The following ANO1 variants were observed in gnomAD, a reference collection of about 807,000 sequenced individuals.
ANO1 encodes the protein anoctamin 1.
Under a neutral mutation model 124.0 loss-of-function variants are expected in ANO1, and 59 were observed. The ratio of observed to expected loss-of-function variants is 0.48; its 90% CI spans 0.39 to 0.59. The LOEUF (loss-of-function observed/expected upper bound fraction) is 0.59. Among genes scored for constraint, ANO1 ranks in the 20% least tolerant of loss-of-function variants. The pLI is 0.00. For synonymous variants in ANO1, 529 were observed against 532.0 expected, an observed-to-expected ratio of 0.99 and a Z score of 0.08; for missense variants, 1,059 against 1,328.0, an observed-to-expected ratio of 0.80 and a Z score of 3.15.
intron 8 of ANO1, among the ~76,000 whole-genome samples, chr11:70,121,829 A>G (rs1360533352): frequency 3.9e-5 from 1 of 25,966 alleles, no homozygotes; most frequent in African/African-American, 1.8e-4. Context: ...CATCTCCCCC[A>G]CCTCTCTGTC....
intron 8 of ANO1, among the ~76,000 whole-genome samples, chr11:70,118,187 A>C (rs2046069349): frequency 2.1e-5 from 3 of 143,228 alleles, no homozygotes; most frequent in Admixed American, 1.4e-4. Flanking sequence ...CCTGAACCCT[A>C]CCCCCTCTTC....
intron 1 of ANO1, among the ~76,000 whole-genome samples, chr11:70,036,000 T>G (rs1434848108): frequency 6.6e-6 from 1 of 152,222 alleles, no homozygotes; most frequent in East Asian, 1.9e-4. Context: ...TGCACGTGTC[T>G]TTATAGCAGA....
intron 1 of ANO1, among the ~76,000 whole-genome samples, chr11:69,997,080 G>T (rs932177234): frequency 1.3e-4 from 17 of 126,280 alleles, no homozygotes; most frequent in African/African-American, 4.5e-4. Flanking sequence ...TGGGTGGTGG[G>T]TGGAACAACT....
At chr11:70,111,853 G>GTGGTCA in intron 7 of ANO1, 91 bp downstream of exon 7, 1 of 1,309,848 alleles carries the variant, frequency 7.6e-7, no homozygotes. Flanking sequence ...CAATTATCCT[G>GTGGTCA]TGGTCACAGC....
chr11:70,014,690 A>G (rs902876), intron 1 of ANO1, among the ~76,000 whole-genome samples: 118,652 of 151,958 alleles, frequency 0.78, 46,679 homozygotes, highest in East Asian at 1. Context: ...TTGTGGGTTC[A>G]TACAGTTTCG....
At chr11:70,093,866 C>A (rs1339478821) in intron 2 of ANO1, among the ~76,000 whole-genome samples, 1 of 152,238 alleles carries the variant, frequency 6.6e-6, no homozygotes, top group Non-Finnish European at 1.5e-5. Flanking sequence ...CCTCGGGGCT[C>A]CGAGTGCGGG....
chr11:69,985,770 G>A (rs1253990115), upstream of ANO1: 1 of 152,198 alleles, frequency 6.6e-6, no homozygotes, highest in African/African-American at 2.4e-5. Context: ...CTCCTCTGCA[G>A]CGTCCCGCGC....
At chr11:70,114,467 A>G (rs1393408005) in intron 7 of ANO1, among the ~76,000 whole-genome samples, 1 of 152,242 alleles carries the variant, frequency 6.6e-6, no homozygotes, top group African/African-American at 2.4e-5. Context: ...CTCGGTGGCC[A>G]TGGTGAGGCT....
intron 1 of ANO1, among the ~76,000 whole-genome samples, chr11:70,001,757 G>A (rs1371204881): frequency 2.7e-5 from 4 of 150,024 alleles, no homozygotes; most frequent in Non-Finnish European, 5.9e-5. Flanking sequence ...GTATATATCT[G>A]TGACACTTCA....
intron 7 of ANO1, among the ~76,000 whole-genome samples, chr11:70,112,681 C>T (rs1042428455): frequency 6.6e-6 from 1 of 152,060 alleles, no homozygotes; most frequent in Non-Finnish European, 1.5e-5. Flanking sequence ...CCTCAGCCTC[C>T]CAAGTAGCTG....
At chr11:70,006,701 A>T (rs10899083) in intron 1 of ANO1, among the ~76,000 whole-genome samples, 3 of 117,458 alleles carry the variant, frequency 2.6e-5, no homozygotes, top group Admixed American at 9.2e-5. Context: ...ATGGAGTCTC[A>T]CTCTGTGACC....
intron 9 of ANO1, among the ~76,000 whole-genome samples, chr11:70,125,844 A>T (rs923071604): frequency 1.0e-4 from 10 of 96,470 alleles, no homozygotes; most frequent in African/African-American, 3.5e-4. Flanking sequence ...ACTCCATCTC[A>T]AAAAAAAACA....
chr11:70,148,653 T>C (rs1273748376), intron 11 of ANO1, among the ~76,000 whole-genome samples: 1 of 152,236 alleles, frequency 6.6e-6, no homozygotes, highest in African/African-American at 2.4e-5. Flanking sequence ...GCTGATTTTC[T>C]TCTGCAGGGA....
chr11:70,129,372 AC>A (rs1462337843), intron 10 of ANO1: 1 of 152,090 alleles, frequency 6.6e-6, no homozygotes, highest in Non-Finnish European at 1.5e-5. Flanking sequence ...ACTATCAGCA[AC>A]CCCATTCTGC....
At chr11:70,081,598 A>G (rs138846954) in intron 1 of ANO1, among the ~76,000 whole-genome samples, 170 of 152,380 alleles carry the variant, frequency 1.1e-3, no homozygotes, top group Non-Finnish European at 1.9e-3. Context: ...TGAACATTGT[A>G]GATTCCCTTG....
intron 16 of ANO1, among the ~76,000 whole-genome samples, chr11:70,159,355 C>T (rs1346557995): frequency 1.3e-5 from 2 of 152,204 alleles, no homozygotes; most frequent in African/African-American, 4.8e-5. Context: ...GCCACCTCCT[C>T]TGCAGGGAGG....
At chr11:70,090,229 G>A (rs574874618) in intron 2 of ANO1, among the ~76,000 whole-genome samples, 1 of 152,258 alleles carries the variant, frequency 6.6e-6, no homozygotes, top group South Asian at 2.1e-4. Flanking sequence ...GGATGGTCTC[G>A]ATCTCCTGAT....
At chr11:69,993,159 C>T (rs537656643) in intron 1 of ANO1, among the ~76,000 whole-genome samples, 5 of 152,222 alleles carry the variant, frequency 3.3e-5, no homozygotes, top group Admixed American at 6.5e-5. Context: ...CCTGAGACAG[C>T]GCCCTGTCTT....
At chr11:70,128,341 G>T (rs2046607929) in intron 10 of ANO1, among the ~76,000 whole-genome samples, 1 of 152,200 alleles carries the variant, frequency 6.6e-6, no homozygotes, top group South Asian at 2.1e-4. Context: ...GGATTGTAAG[G>T]CTGGCTTTAG....
Sources: allele counts gnomAD v4.1 joint callset (sites outside exome capture counted in the v4.1 genomes callset), GRCh38; gene constraint gnomAD v4.1.1; transcripts MANE v1.5; gene names NCBI Gene and HGNC (gene_info 2026-07-23, HGNC 2026-07-21).